Variants in SLC24A4 observed in about 807,000 individuals in gnomAD.
SLC24A4 encodes sodium/potassium/calcium exchanger 4.
A neutral mutation model predicts 79.0 loss-of-function variants in SLC24A4; 53 were observed. That is an observed-to-expected ratio of 0.67 (90% CI 0.54 to 0.84). The LOEUF is 0.84. SLC24A4 is among the 40% of genes least tolerant of loss of function. The pLI is 0.00. For synonymous variants in SLC24A4, 323 were observed against 323.8 expected (o/e 1.00, Z 0.03); for missense variants, 731 against 822.0 (o/e 0.89, Z 1.35).
In SLC24A4 at chr14:92,389,173, T is replaced by C. The variant is rs150069867; in HGVS notation, c.242-44739T>C. 1.7e-4 allele frequency among the ~76,000 whole-genome samples: 26 copies of C among 152,270 alleles called. No individual in the cohort carries two copies. The East Asian group carries it at 5.0e-3, about 29-fold the overall frequency. ...GGAAGTTCAATGTGTGCTGTGTCTATTCCTATGTATGTTTGACATTCTCCC... is the reference window on the plus strand; with the variant it reads ...GGAAGTTCAATGTGTGCTGTGTCTACTCCTATGTATGTTTGACATTCTCCC... On this transcript the variant is annotated intron_variant, in intron 2 of 16. Coordinates refer to ENST00000532405, the MANE Select transcript of SLC24A4 (RefSeq NM_153646.4).
intron 9 of SLC24A4, among the ~76,000 whole-genome samples, chr14:92,448,345 T>TACACACACACACACACACACACAC (rs71877757): frequency 0.015 from 1,953 of 131,954 alleles, 66 homozygotes; most frequent in African/African-American, 0.035. Flanking sequence ...TCCCACTACA[T>TACACACACACACACACACACACAC]ACACACACAC....
At chr14:92,485,372 G>A (rs542562923) in intron 13 of SLC24A4, among the ~76,000 whole-genome samples, 18 of 152,248 alleles carry the variant, frequency 1.2e-4, no homozygotes, top group African/African-American at 4.3e-4. Flanking sequence ...GGCTGAAGTG[G>A]GAGGATTGCT....
At chr14:92,449,687 G>A (rs778382177) in intron 10 of SLC24A4, among the ~76,000 whole-genome samples, 2 of 152,178 alleles carry the variant, frequency 1.3e-5, no homozygotes, top group African/African-American at 2.4e-5. Flanking sequence ...ATGGGTTCTC[G>A]GGCTGGGAAC....
intron 12 of SLC24A4, among the ~76,000 whole-genome samples, chr14:92,471,944 T>C (rs1894459809): frequency 6.6e-6 from 1 of 152,096 alleles, no homozygotes; most frequent in Admixed American, 6.5e-5. Flanking sequence ...AAGTTAACAG[T>C]GTGTATTAGG....
intron 2 of SLC24A4, among the ~76,000 whole-genome samples, chr14:92,417,882 G>A (rs1891065117): frequency 6.6e-6 from 1 of 152,164 alleles, no homozygotes; most frequent in African/African-American, 2.4e-5. Flanking sequence ...TTGTGTAAGT[G>A]TACTCTAGGA....
chr14:92,493,081 G>A (rs1402081500), intron 16 of SLC24A4, among the ~76,000 whole-genome samples: 1 of 151,270 alleles, frequency 6.6e-6, no homozygotes, highest in Non-Finnish European at 1.5e-5. Context: ...GGAGACAAGG[G>A]AAAAGACCAT....
chr14:92,371,146 T>C (rs1280666976), intron 2 of SLC24A4, among the ~76,000 whole-genome samples: 1 of 152,190 alleles, frequency 6.6e-6, no homozygotes, highest in Non-Finnish European at 1.5e-5. Context: ...ACTTCTCTTC[T>C]GAAAAAGAAC....
chr14:92,479,248 T>C (rs565017495), intron 12 of SLC24A4, among the ~76,000 whole-genome samples: 1 of 152,128 alleles, frequency 6.6e-6, no homozygotes, highest in Non-Finnish European at 1.5e-5. Context: ...AGAGCAGACA[T>C]CTTCATCTTG....
At chr14:92,460,216 C>T (rs955324884) in intron 12 of SLC24A4, among the ~76,000 whole-genome samples, 2 of 150,938 alleles carry the variant, frequency 1.3e-5, no homozygotes, top group Non-Finnish European at 1.5e-5. Flanking sequence ...TTCTGCCACT[C>T]ACCAGCAGGG....
At chr14:92,363,237 C>T (rs1566715160) in intron 2 of SLC24A4, among the ~76,000 whole-genome samples, 2 of 152,336 alleles carry the variant, frequency 1.3e-5, no homozygotes, top group East Asian at 3.9e-4. Context: ...ACTTTTAGGA[C>T]ATGAAGACCA....
At chr14:92,371,938 C>T (rs1298031032) in intron 2 of SLC24A4, among the ~76,000 whole-genome samples, 1 of 151,252 alleles carries the variant, frequency 6.6e-6, no homozygotes, top group Middle Eastern at 3.2e-3. Flanking sequence ...CCCATCTTCT[C>T]TCCCAATGGC....
intron 12 of SLC24A4, chr14:92,457,646 CGTCTTTAACT>C (rs1893558573): frequency 6.6e-6 from 1 of 152,594 alleles, no homozygotes; most frequent in Non-Finnish European, 1.5e-5. Context: ...CGCCTGCCTT[CGTCTTTAACT>C]AAGCCTTCCG....
intron 2 of SLC24A4, among the ~76,000 whole-genome samples, chr14:92,341,583 C>T (rs1301585382): frequency 2.0e-5 from 3 of 152,204 alleles, no homozygotes; most frequent in Non-Finnish European, 2.9e-5. Context: ...GGTGTTGCAG[C>T]GACTCACCTG....
intron 12 of SLC24A4, among the ~76,000 whole-genome samples, chr14:92,461,863 G>T (rs1893832365): frequency 6.6e-6 from 1 of 152,210 alleles, no homozygotes; most frequent in Admixed American, 6.5e-5. Context: ...TTACAGAGAA[G>T]GAAGGGGAAG....
Position 92,456,413 on chromosome 14 carries a change from C to G in SLC24A4, c.1060C>G (p.Leu354Val). 6.2e-7 allele frequency: 1 copy of G among 1,614,232 alleles called. No homozygotes were observed. Among genetic ancestry groups the G allele is most frequent in the Middle Eastern group, 1.7e-4 (1 of 6,058 alleles). The change falls in exon 12 of 17, where the codon CTG (leucine) becomes GTG (valine). Residue 354 changes from leucine to valine, a missense_variant. Leu to Val is a conservative substitution (Grantham distance 32, BLOSUM62 1). Transcript: ENST00000532405. Reference protein sequence around the residue: ...SRIIINERQRLINSANGVSSK... With the variant: ...SRIIINERQRVINSANGVSSK... ...CCTCCTGTCCACACAGCGGCAGAGA[C>G]TGATCAACTCGGCCAATGGTGTGAG...
intron 2 of SLC24A4, among the ~76,000 whole-genome samples, chr14:92,358,754 T>G (rs1190071718): frequency 6.7e-6 from 1 of 150,222 alleles, no homozygotes; most frequent in Non-Finnish European, 1.5e-5. Flanking sequence ...TGGAATGCAG[T>G]GCTCACTGCA....
chr14:92,469,284 A>G (rs1437544598), intron 12 of SLC24A4, among the ~76,000 whole-genome samples: 4 of 152,130 alleles, frequency 2.6e-5, no homozygotes, highest in Non-Finnish European at 5.9e-5. Flanking sequence ...CGAGGTGGGC[A>G]GATCACGAGG....
chr14:92,486,975 C>T (rs759881532), intron 14 of SLC24A4, among the ~76,000 whole-genome samples, 195 bp downstream of exon 14: 32 of 152,176 alleles, frequency 2.1e-4, no homozygotes, highest in Non-Finnish European at 4.1e-4. Flanking sequence ...CCAAGATGAA[C>T]TCCTCCAGAC....
At position 92,323,775 on chromosome 14, in the gene SLC24A4, C is replaced by G. The variant is rs1595113765; in HGVS notation, c.-56C>G. The G allele has an allele frequency of 1.3e-6, 2 of 1,519,426 alleles. No homozygotes were observed. Among genetic ancestry groups the G allele is most frequent in the Non-Finnish European group, 1.8e-6 (2 of 1,138,660 alleles). 94.1% of individuals were successfully genotyped at this position (1,519,426 alleles called of 1,614,324 possible). On this transcript the variant is annotated 5_prime_UTR_variant, in exon 1 of 17. Coordinates refer to ENST00000532405, the MANE Select transcript of SLC24A4 (RefSeq NM_153646.4). This position sits in a 1 kb window ranked among gnomAD's most constrained non-coding sequence, Gnocchi z 4.9. ...CAGCGCCGCTCGGCCACTGATTGCA[C>G]TCTGGCCGCTGAAGCTCCCCATCCT... is the stretch of plus-strand genomic sequence containing the variant.
Sources: allele counts gnomAD v4.1 joint callset (sites outside exome capture counted in the v4.1 genomes callset), GRCh38; gene constraint gnomAD v4.1.1; non-coding constraint Gnocchi (gnomAD v3.1); transcripts MANE v1.5; gene names NCBI Gene and HGNC (gene_info 2026-07-23, HGNC 2026-07-21).